The following PRMT7 variants were observed in gnomAD, a reference collection of about 807,000 sequenced individuals.
PRMT7 encodes the protein protein arginine methyltransferase 7.
Under a neutral mutation model 85.4 loss-of-function variants are expected in PRMT7, and 75 were observed. That is an observed-to-expected ratio of 0.88 (90% CI 0.73 to 1.06). The LOEUF is 1.06. Among genes scored for constraint, PRMT7 ranks in the 50% least tolerant of loss-of-function variants. PRMT7 has a pLI of 0.00. For synonymous variants in PRMT7, 397 were observed against 359.5 expected, an observed-to-expected ratio of 1.10 and a Z score of -1.18; for missense variants, 868 against 915.2, an observed-to-expected ratio of 0.95 and a Z score of 0.67.
At chr16:68,341,827 A>G (rs548715717) in intron 9 of PRMT7, among the ~76,000 whole-genome samples, 2 of 152,312 alleles carry the variant, frequency 1.3e-5, no homozygotes, top group East Asian at 3.9e-4. Context: ...TAGTTTCTGC[A>G]AGGTGGTGTT....
intron 9 of PRMT7, among the ~76,000 whole-genome samples, 166 bp downstream of exon 9, chr16:68,340,134 A>G (rs1460382040): frequency 6.6e-6 from 1 of 152,230 alleles, no homozygotes; most frequent in Non-Finnish European, 1.5e-5. Flanking sequence ...AGCTGTAGTA[A>G]CGTAGCCTTC....
At position 68,325,273 on chromosome 16, in the gene PRMT7, T is replaced by A. The variant is rs79542193; in HGVS notation, c.282+441T>A. 2.7e-3 allele frequency among the ~76,000 whole-genome samples: 412 copies of A among 152,302 alleles called. 2 individuals are homozygous for A. Among genetic ancestry groups the A allele is most frequent in the African/African-American group, 9.5e-3 (395 of 41,552 alleles). ...TATTCTTGAGGCTGAGATGGGAAGATCTCTTGAGCCCGGAAAGTCAAGGCT... is the reference window on the plus strand; with the variant it reads ...TATTCTTGAGGCTGAGATGGGAAGAACTCTTGAGCCCGGAAAGTCAAGGCT... On this transcript the variant is annotated intron_variant, in intron 5 of 18. Coordinates refer to ENST00000441236, the MANE Select transcript of PRMT7 (RefSeq NM_019023.5).
At chr16:68,348,644 T>C (rs1295227051) in intron 14 of PRMT7, among the ~76,000 whole-genome samples, 3 of 141,478 alleles carry the variant, frequency 2.1e-5, no homozygotes, top group African/African-American at 8.5e-5. Flanking sequence ...TTTTTTTTTT[T>C]TTTTTTTTTT....
intron 13 of PRMT7, 38 bp from the exon 14 acceptor site, chr16:68,348,304 T>C (rs374911103): frequency 1.1e-5 from 16 of 1,471,090 alleles, no homozygotes; most frequent in African/African-American, 2.8e-5. Context: ...CACAATACTT[T>C]AGTATGAATA....
chr16:68,313,805 G>A (rs980140343), intron 2 of PRMT7, among the ~76,000 whole-genome samples: 1 of 152,242 alleles, frequency 6.6e-6, no homozygotes. Context: ...GTGCCGTGGT[G>A]CATGCCGGTA....
rs2088894035 is a variant in PRMT7 at position 68,357,957 on chromosome 16, C to G, written c.*733C>G. On this transcript the variant is annotated 3_prime_UTR_variant, in exon 19 of 19. Coordinates refer to ENST00000441236, the MANE Select transcript of PRMT7 (RefSeq NM_019023.5). ...CTGCACCTCCCTCAGATTGGAAAGC[C>G]CCTCCTGCAGGTGGGGTATGGCAGG... The G allele has an allele frequency of 6.6e-6, 1 of 152,242 alleles. No homozygotes were observed. The highest frequency in any genetic ancestry group is 2.1e-4 in the South Asian group (1 of 4,832). 9.4% of individuals were successfully genotyped at this position (152,242 alleles called of 1,614,324 possible).
At chr16:68,358,862 G>C (rs553357082), downstream of PRMT7, 103 of 152,644 alleles carry the variant, frequency 6.7e-4, no homozygotes, top group Non-Finnish European at 5.4e-4. Context: ...GGCCTGGCCT[G>C]CACACAAGGC....
intron 9 of PRMT7, 92 bp from the exon 10 acceptor site, chr16:68,345,583 G>A (rs1295677664): frequency 1.9e-6 from 3 of 1,567,912 alleles, no homozygotes; most frequent in Non-Finnish European, 2.6e-6. Flanking sequence ...TGGACGTCCT[G>A]AAAACTGGCA....
In PRMT7 at chr16:68,345,138, G is replaced by T. The variant is rs2086165628; in HGVS notation, c.928-537G>T. On this transcript the variant is annotated intron_variant, in intron 9 of 18. Transcript: ENST00000441236. ...GGTTCCATAGTATCGTCTAACATAT[G>T]GTTCAAAATAAAATTTGTCTCCAGA... 2.6e-5 allele frequency among the ~76,000 whole-genome samples: 4 copies of T among 152,062 alleles called. No homozygotes were observed. In the South Asian group the frequency reaches 8.3e-4, roughly 32 times the overall value.
intron 6 of PRMT7, among the ~76,000 whole-genome samples, chr16:68,333,429 C>G (rs1008378182): frequency 6.7e-6 from 1 of 150,066 alleles, no homozygotes; most frequent in African/African-American, 2.5e-5. Flanking sequence ...TGCGGTGAGC[C>G]GAGATTGCGC....
At chr16:68,324,413 G>A (rs908549509) in intron 4 of PRMT7, 1 of 474,794 alleles carries the variant, frequency 2.1e-6, no homozygotes, top group Non-Finnish European at 3.8e-6. Flanking sequence ...CCTAACAGTT[G>A]GAAAAAGGAG....
rs537963836 is a variant in PRMT7, at chr16:68,339,143, C to CT, written c.505-172dup. Among the ~76,000 whole-genome samples the CT allele has an allele frequency of 1.6e-4, 25 of 152,248 alleles. No individual in the cohort carries two copies. In the East Asian group the frequency reaches 2.1e-3, roughly 13 times the overall value. On this transcript the variant is annotated intron_variant, in intron 7 of 18. Coordinates refer to ENST00000441236, the MANE Select transcript of PRMT7 (RefSeq NM_019023.5). ...TGTGTTCTTTTTGAAATGTAGTACC[C>CT]TTTTTTTCCCTTTTCCAAGGGCATA...
Position 68,352,319 on chromosome 16 carries a change from C to T in PRMT7, c.1485C>T (p.Tyr495=), listed in dbSNP as rs574079302. The change falls in exon 15 of 19, where the codon TAC becomes TAT. Residue 495 remains tyrosine, a synonymous_variant. Transcript: ENST00000441236. The part of the protein sequence containing the change: ...LLPWHNLYFW[Y]VRTAVDQHLG... ...CGTGGCACAACCTCTACTTCTGGTA[C>T]GTGCGGACCGCTGTGGACCAGCACC... 1.1e-5 allele frequency: 17 copies of T among 1,613,210 alleles called. No homozygotes were observed. Among genetic ancestry groups the T allele is most frequent in the East Asian group, 4.5e-5 (2 of 44,882 alleles).
intron 16 of PRMT7, chr16:68,355,478 ACAGG>A (rs2151934406): frequency 5.0e-6 from 2 of 401,750 alleles, no homozygotes; most frequent in Admixed American, 4.2e-5. Context: ...AAGGCTTGAG[ACAGG>A]CAGCACCACC....
At chr16:68,347,980 C>T (rs1054562514) in intron 13 of PRMT7, among the ~76,000 whole-genome samples, 1 of 152,186 alleles carries the variant, frequency 6.6e-6, no homozygotes, top group Non-Finnish European at 1.5e-5. Flanking sequence ...GACATCAGTG[C>T]TGAGGGAGCC....
intron 7 of PRMT7, among the ~76,000 whole-genome samples, chr16:68,338,463 CAG>C (rs1347615823): frequency 1.3e-5 from 2 of 151,736 alleles, no homozygotes; most frequent in African/African-American, 4.8e-5. Context: ...CAAAGAGGCC[CAG>C]AGATGCATGG....
At chr16:68,330,795 G>A (rs558073484) in intron 6 of PRMT7, among the ~76,000 whole-genome samples, 3 of 151,830 alleles carry the variant, frequency 2.0e-5, no homozygotes, top group South Asian at 2.1e-4. Flanking sequence ...GGGTTTCACC[G>A]TGTTGGCCAG....
intron 4 of PRMT7, chr16:68,324,451 C>T (rs923093234): frequency 7.1e-6 from 4 of 560,910 alleles, no homozygotes; most frequent in Non-Finnish European, 9.5e-6. Flanking sequence ...TCTGGCATCA[C>T]TTAGTAGAGG....
intron 6 of PRMT7, among the ~76,000 whole-genome samples, chr16:68,334,774 C>T (rs1252241149): frequency 6.6e-6 from 1 of 151,960 alleles, no homozygotes; most frequent in Non-Finnish European, 1.5e-5. Flanking sequence ...ATGCACTGGA[C>T]CATAAAGCTT....
Sources: allele counts gnomAD v4.1 joint callset (sites outside exome capture counted in the v4.1 genomes callset), GRCh38; gene constraint gnomAD v4.1.1; transcripts MANE v1.5; gene names NCBI Gene and HGNC (gene_info 2026-07-23, HGNC 2026-07-21).